Variants in PBRM1 observed in about 807,000 individuals in gnomAD.
The protein encoded by PBRM1 is polybromo 1.
Under a neutral mutation model 194.5 loss-of-function variants are expected in PBRM1, and 27 were observed. The observed-to-expected ratio is 0.14, with a 90% CI of 0.10 to 0.19. The LOEUF (loss-of-function observed/expected upper bound fraction) is 0.19. Ranked by LOEUF, PBRM1 falls within the 10% of genes least tolerant of loss-of-function variation. PBRM1 has a pLI of 1.00. For missense variants in PBRM1, 1,466 were observed against 2,077.2 expected, an observed-to-expected ratio of 0.71 and a Z score of 5.72; for synonymous variants, 655 against 693.2, an observed-to-expected ratio of 0.94 and a Z score of 0.87.
At chr3:52,587,635 C>T in intron 18 of PBRM1, 125 bp from the exon 21 acceptor site, 1 of 721,056 alleles carries the variant, frequency 1.4e-6, no homozygotes, top group Non-Finnish European at 2.2e-6. Flanking sequence ...GACTTGAATT[C>T]CTGGGCCAAA....
exon 17 of PBRM1, chr3:52,603,686 A>C (rs1348672350): frequency 6.2e-7 from 1 of 1,611,216 alleles, no homozygotes; most frequent in Admixed American, 1.7e-5. Context: ...ATTTTAATAA[A>C]AAACTGCTGA....
chr3:52,575,508 C>CTTTTTTTTTT (rs1177139118), intron 22 of PBRM1, among the ~76,000 whole-genome samples: 1 of 87,138 alleles, frequency 1.1e-5, no homozygotes, highest in Non-Finnish European at 2.2e-5. Context: ...AATCAATTGT[C>CTTTTTTTTTT]TTTTTTTTTT....
chr3:52,624,516 C>A (rs889872465), intron 13 of PBRM1, among the ~76,000 whole-genome samples: 1 of 152,166 alleles, frequency 6.6e-6, no homozygotes, highest in Non-Finnish European at 1.5e-5. Flanking sequence ...GACTGTGAAG[C>A]TGATTTTGAT....
At chr3:52,674,627 CAAA>C (rs869059650) in intron 2 of PBRM1, among the ~76,000 whole-genome samples, 8 of 109,080 alleles carry the variant, frequency 7.3e-5, no homozygotes, top group East Asian at 2.3e-4. Context: ...CTGTCTCTAC[CAAA>C]AAAAAAAAAA....
At chr3:52,668,813 A>G (rs1342999101) in intron 2 of PBRM1, among the ~76,000 whole-genome samples, 168 bp from the exon 4 acceptor site, 1 of 151,130 alleles carries the variant, frequency 6.6e-6, no homozygotes, top group East Asian at 1.9e-4. Context: ...AAAAATCTGC[A>G]AAAAAAGAAA....
At chr3:52,577,233 C>G (rs1013632432) in intron 21 of PBRM1, among the ~76,000 whole-genome samples, 2 of 152,004 alleles carry the variant, frequency 1.3e-5, no homozygotes, top group African/African-American at 4.8e-5. Context: ...GAGTTCAAGA[C>G]CAGCCTGGAC....
exon 9 of PBRM1, chr3:52,643,333 T>A: frequency 6.2e-7 from 1 of 1,612,132 alleles, no homozygotes; most frequent in Non-Finnish European, 8.5e-7. Flanking sequence ...GCAGCCAAGT[T>A]GGATGGAGTC....
chr3:52,554,664 A>G, intron 27 of PBRM1, 60 bp downstream of exon 29: 1 of 1,423,732 alleles, frequency 7.0e-7, no homozygotes, highest in Non-Finnish European at 9.4e-7. Context: ...CAACTGGTTG[A>G]AAGCGGAAAA....
chr3:52,571,359 G>A (rs2087121346), intron 22 of PBRM1, among the ~76,000 whole-genome samples: 1 of 150,410 alleles, frequency 6.6e-6, no homozygotes, highest in Non-Finnish European at 1.5e-5. Context: ...CAGGCGTGGT[G>A]GCTCACGTCT....
intron 22 of PBRM1, among the ~76,000 whole-genome samples, chr3:52,572,731 T>C (rs2087843901): frequency 6.6e-6 from 1 of 152,128 alleles, no homozygotes; most frequent in Admixed American, 6.5e-5. Context: ...AAAAAGAACA[T>C]AACCGTTGGA....
intron 22 of PBRM1, among the ~76,000 whole-genome samples, chr3:52,571,128 TC>T (rs1474357342): frequency 6.6e-6 from 1 of 151,794 alleles, no homozygotes; most frequent in African/African-American, 2.4e-5. Context: ...ATTGAGACCA[TC>T]CTGGTCAACA....
intron 10 of PBRM1, among the ~76,000 whole-genome samples, chr3:52,641,446 C>CAAAAAA (rs386396638): frequency 2.9e-5 from 2 of 69,926 alleles, no homozygotes; most frequent in Admixed American, 1.8e-4. Flanking sequence ...GACTCCATCT[C>CAAAAAA]AAAAAAAAAA....
chr3:52,559,837 A>G (rs1221555993), intron 25 of PBRM1, among the ~76,000 whole-genome samples: 1 of 138,840 alleles, frequency 7.2e-6, no homozygotes, highest in Non-Finnish European at 1.6e-5. Context: ...TATTTACTTG[A>G]GCTAGCAGTA....
chr3:52,615,086 T>G (rs956958364), intron 15 of PBRM1, among the ~76,000 whole-genome samples: 15 of 152,198 alleles, frequency 9.9e-5, no homozygotes, highest in African/African-American at 3.6e-4. Flanking sequence ...GAAAAATCTA[T>G]TCTTACTATT....
intron 22 of PBRM1, among the ~76,000 whole-genome samples, chr3:52,575,672 ATTTT>A (rs35495289): frequency 1.6e-5 from 2 of 122,554 alleles, no homozygotes; most frequent in Admixed American, 8.5e-5. Context: ...TGCCCAAATA[ATTTT>A]TTTTTTTTTT....
chr3:52,672,451 T>C (rs935549463), intron 2 of PBRM1, among the ~76,000 whole-genome samples: 3 of 151,952 alleles, frequency 2.0e-5, no homozygotes, highest in Non-Finnish European at 4.4e-5. Context: ...ATATACGTTT[T>C]CAGAACAAAT....
intron 17 of PBRM1, among the ~76,000 whole-genome samples, chr3:52,602,359 C>A (rs1044809398): frequency 6.6e-5 from 10 of 152,158 alleles, no homozygotes; most frequent in Non-Finnish European, 1.5e-4. Context: ...CTACCTCAAG[C>A]CCGTAAGGAT....
At chr3:52,660,314 A>G (rs932655377) in intron 4 of PBRM1, among the ~76,000 whole-genome samples, 4 of 152,180 alleles carry the variant, frequency 2.6e-5, no homozygotes, top group African/African-American at 7.2e-5. Flanking sequence ...CATATTAGAG[A>G]GTAAAATTCC....
At chr3:52,601,938 G>C (rs1044019152) in intron 17 of PBRM1, among the ~76,000 whole-genome samples, 2 of 152,196 alleles carry the variant, frequency 1.3e-5, no homozygotes, top group African/African-American at 4.8e-5. Flanking sequence ...AACACATGAA[G>C]ATGGGTGCCA....
Sources: allele counts gnomAD v4.1 joint callset (sites outside exome capture counted in the v4.1 genomes callset), GRCh38; gene constraint gnomAD v4.1.1; transcripts MANE v1.5; gene names NCBI Gene and HGNC (gene_info 2026-07-23, HGNC 2026-07-21).